Variants in SLC2A11 observed in about 807,000 individuals in gnomAD.
SLC2A11 encodes the protein solute carrier family 2 member 11.
A neutral mutation model predicts 52.1 loss-of-function variants in SLC2A11; 43 were observed. The observed-to-expected ratio is 0.82, with a 90% CI of 0.65 to 1.06. SLC2A11 has a LOEUF of 1.06. Among genes scored for constraint, SLC2A11 ranks in the 50% least tolerant of loss-of-function variants. The pLI is 0.00. For synonymous variants in SLC2A11, 261 were observed against 277.6 expected (o/e 0.94, Z 0.59); for missense variants, 582 against 654.2 (o/e 0.89, Z 1.20).
upstream of SLC2A11, chr22:23,857,577 A>ACCC (rs750630400): frequency 0.024 from 27,879 of 1,162,492 alleles, 150 homozygotes; most frequent in Middle Eastern, 0.04. Flanking sequence ...GTGACCCCAA[A>ACCC]CCCCCCCCCC....
chr22:23,865,270 A>G (rs7510757), intron 2 of SLC2A11: 118,324 of 152,022 alleles, frequency 0.78, 46,254 homozygotes, highest in Middle Eastern at 0.89. Flanking sequence ...TACAAAATTA[A>G]CCAAGCATGG....
intron 1 of SLC2A11, among the ~76,000 whole-genome samples, chr22:23,859,604 T>C (rs2031980691): frequency 6.6e-6 from 1 of 152,174 alleles, no homozygotes; most frequent in Non-Finnish European, 1.5e-5. Flanking sequence ...CAATTCTGCC[T>C]CAGCCTTCTG....
Position 23,857,975 on chromosome 22 carries a change from A to ACCT in SLC2A11, c.-22_-20dup. On this transcript the variant is annotated 5_prime_UTR_variant, in exon 1 of 12. Coordinates refer to ENST00000316185, the MANE Select transcript of SLC2A11 (RefSeq NM_001024939.4). ...GCCGGGGTCTCCCTGGGACAGCAAG[A>ACCT]CCTCCGCTCAGGCCCCTCTTTCGAA... is the stretch of plus-strand genomic sequence containing the variant. The ACCT allele has an allele frequency of 6.3e-7, 1 of 1,590,812 alleles. No individual in the cohort carries two copies. The highest frequency in any genetic ancestry group is 8.5e-7 in the Non-Finnish European group (1 of 1,170,426).
intron 3 of SLC2A11, 177 bp downstream of exon 3, chr22:23,868,818 G>T: frequency 1.4e-6 from 1 of 703,074 alleles, no homozygotes; most frequent in Non-Finnish European, 2.3e-6. Context: ...CAAGGGTTTG[G>T]TAGAGCAAAC....
chr22:23,881,658 A>G (rs1422257489), intron 6 of SLC2A11: 1 of 152,572 alleles, frequency 6.6e-6, no homozygotes, highest in Admixed American at 6.5e-5. Context: ...GCAACACCGC[A>G]ACAGCCCTGA....
Position 23,884,221 on chromosome 22 carries a change from C to T in SLC2A11, c.1172-81C>T, listed in dbSNP as rs1161771496. The stretch of plus-strand genomic sequence containing the variant: ...CATACAGACTGGGCCTGGGCTCCCA[C>T]TCCCATGTCTGGGCTGGGGTCGGGG... On this transcript the variant is annotated intron_variant, in intron 10 of 11. Coordinates refer to ENST00000316185, the MANE Select transcript of SLC2A11 (RefSeq NM_001024939.4). The surrounding 1 kb of genome is among the most constrained non-coding windows in gnomAD (Gnocchi z 4.3). The T allele has an allele frequency of 1.7e-5, 26 of 1,531,588 alleles. No homozygotes were observed. In the East Asian group the frequency reaches 5.0e-4, roughly 29 times the overall value. 94.9% of individuals were successfully genotyped at this position (1,531,588 alleles called of 1,614,324 possible).
intron 5 of SLC2A11, 50 bp downstream of exon 5, chr22:23,877,221 A>G (rs1293641356): frequency 6.3e-7 from 1 of 1,575,264 alleles, no homozygotes; most frequent in Admixed American, 1.8e-5. Flanking sequence ...ATACCAGTAA[A>G]AGCGTTTCTT....
At chr22:23,882,713 A>G (rs1187276012) in intron 7 of SLC2A11, 46 bp from the exon 8 acceptor site, 2 of 1,606,506 alleles carry the variant, frequency 1.2e-6, no homozygotes, top group Admixed American at 1.7e-5. Context: ...GCTGGGAGCC[A>G]TGGGAGGTGG....
intron 4 of SLC2A11, 79 bp from the exon 5 acceptor site, chr22:23,876,963 G>A: frequency 6.2e-7 from 1 of 1,606,738 alleles, no homozygotes; most frequent in Non-Finnish European, 8.5e-7. Context: ...TGCTGAGTGG[G>A]GCAGGGGAGA....
chr22:23,869,120 G>A lies in SLC2A11; in HGVS notation c.290+479G>A, dbSNP rs142167549. 800 of 164,942 alleles carry A rather than the reference G, an allele frequency of 4.9e-3. 12 individuals are homozygous for A. The highest frequency in any genetic ancestry group is 0.018 in the African/African-American group (744 of 41,934). The allele number at this position is 164,942 out of a possible 1,614,324, so 10.2% of individuals were successfully genotyped here. On this transcript the variant is annotated intron_variant, in intron 3 of 11. Transcript: ENST00000316185. ...ATCCCAGCATTTTGGGAGGCTGAGC[G>A]GGGCAGATTGCATGGGTCCAGGAGT...
intron 3 of SLC2A11, among the ~76,000 whole-genome samples, chr22:23,873,562 C>T (rs562983155): frequency 2.0e-5 from 3 of 152,186 alleles, no homozygotes; most frequent in South Asian, 4.2e-4. Context: ...CCCACCTCAG[C>T]CTCCAAAAAT....
At chr22:23,871,313 C>T (rs12160594) in intron 3 of SLC2A11, 23,383 of 148,638 alleles carry the variant, frequency 0.16, 1,828 homozygotes, top group Admixed American at 0.18. Context: ...CAGGCTGAGG[C>T]AGGAGAATCA....
chr22:23,880,789 C>G (rs2032771695), intron 6 of SLC2A11: 1 of 152,096 alleles, frequency 6.6e-6, no homozygotes, highest in African/African-American at 2.4e-5. Context: ...TTTGTTGCCT[C>G]TGAATTCTGC....
At chr22:23,861,275 G>A (rs1459492910) in intron 1 of SLC2A11, among the ~76,000 whole-genome samples, 1 of 126,474 alleles carries the variant, frequency 7.9e-6, no homozygotes, top group Non-Finnish European at 1.6e-5. Flanking sequence ...ACTGCGCCAG[G>A]CCAAGACTCA....
intron 1 of SLC2A11, among the ~76,000 whole-genome samples, chr22:23,860,475 G>A (rs914105101): frequency 2.0e-5 from 3 of 151,542 alleles, no homozygotes; most frequent in Non-Finnish European, 2.9e-5. Context: ...TCCCTAAGAC[G>A]ACCTCAACTA....
At chr22:23,873,328 T>TGTGTGTGTGTGTGC (rs569572481) in intron 3 of SLC2A11, 1 of 146,262 alleles carries the variant, frequency 6.8e-6, no homozygotes, top group African/African-American at 2.7e-5. Flanking sequence ...TGTGTGTGTG[T>TGTGTGTGTGTGTGC]GCACGCGTGT....
intron 4 of SLC2A11, among the ~76,000 whole-genome samples, chr22:23,876,739 G>A (rs946090863): frequency 6.6e-6 from 1 of 152,048 alleles, no homozygotes; most frequent in Non-Finnish European, 1.5e-5. Flanking sequence ...CTTCACACTC[G>A]GGTCCCAGTG....
chr22:23,863,034 A>G (rs2032128775), intron 2 of SLC2A11, among the ~76,000 whole-genome samples: 1 of 152,210 alleles, frequency 6.6e-6, no homozygotes, highest in Admixed American at 6.5e-5. Context: ...AGAAATTTTA[A>G]AAAGCAAGCA....
chr22:23,858,109 A>G, intron 1 of SLC2A11, 80 bp downstream of exon 1: 18 of 1,531,508 alleles, frequency 1.2e-5, no homozygotes, highest in Non-Finnish European at 1.5e-5. Context: ...AGGTGCAGCC[A>G]CCTGGGAGGC....
Sources: gnomAD v4.1 joint callset for allele counts (sites outside exome capture counted in the v4.1 genomes callset) on GRCh38, gnomAD v4.1.1 for gene constraint, Gnocchi (gnomAD v3.1) non-coding constraint, MANE v1.5 for transcripts, NCBI Gene and HGNC (gene_info 2026-07-23, HGNC 2026-07-21) for gene names.